Variants in PARD3B observed in about 807,000 individuals in gnomAD.
PARD3B encodes partitioning defective 3 homolog B.
A neutral mutation model predicts 130.2 loss-of-function variants in PARD3B; 103 were observed. The observed-to-expected ratio is 0.79, with a 90% CI of 0.67 to 0.93. The LOEUF (loss-of-function observed/expected upper bound fraction) is 0.93, where lower values mean the gene tolerates loss of function less well. PARD3B is among the 40% of genes least tolerant of loss of function. The pLI is 0.00. For missense variants in PARD3B, 1,609 were observed against 1,499.2 expected, an observed-to-expected ratio of 1.07 and a Z score of -1.21; for synonymous variants, 583 against 553.2, an observed-to-expected ratio of 1.05 and a Z score of -0.76.
chr2:205,168,154 G>A (rs1179753032), intron 11 of PARD3B, among the ~76,000 whole-genome samples: 1 of 152,082 alleles, frequency 6.6e-6, no homozygotes, highest in Non-Finnish European at 1.5e-5. Flanking sequence ...TTCCCTTTGG[G>A]AATTTCCTTT....
At chr2:205,430,608 C>T (rs563241542) in intron 19 of PARD3B, among the ~76,000 whole-genome samples, 1 of 152,254 alleles carries the variant, frequency 6.6e-6, no homozygotes, top group East Asian at 1.9e-4. Context: ...CTAGAAGTTA[C>T]TCTTCATAAA....
At chr2:204,785,343 T>A (rs1488685954) in intron 2 of PARD3B, among the ~76,000 whole-genome samples, 1 of 152,128 alleles carries the variant, frequency 6.6e-6, no homozygotes, top group African/African-American at 2.4e-5. Context: ...TAACATACTT[T>A]TCCCCCAGCC....
chr2:205,486,921 C>T (rs1056102813), intron 20 of PARD3B, among the ~76,000 whole-genome samples: 2 of 151,964 alleles, frequency 1.3e-5, no homozygotes, highest in Non-Finnish European at 2.9e-5. Flanking sequence ...AGCATATGGA[C>T]GTAAAAGGAA....
chr2:204,850,195 TGGAA>T (rs2044651321), intron 2 of PARD3B, among the ~76,000 whole-genome samples: 1 of 152,184 alleles, frequency 6.6e-6, no homozygotes, highest in Non-Finnish European at 1.5e-5. Context: ...TTTTGTTTCA[TGGAA>T]AACAGTATGT....
intron 11 of PARD3B, among the ~76,000 whole-genome samples, chr2:205,169,927 C>T (rs1014248858): frequency 7.8e-5 from 11 of 141,800 alleles, no homozygotes; most frequent in Non-Finnish European, 1.7e-4. Context: ...TTGTTCCCCC[C>T]ACCCTTTTTT....
intron 18 of PARD3B, among the ~76,000 whole-genome samples, chr2:205,311,483 G>A (rs922393118): frequency 4.6e-5 from 7 of 152,100 alleles, no homozygotes; most frequent in Non-Finnish European, 1.0e-4. Flanking sequence ...AGGAATGATA[G>A]ACATTACCTC....
intron 18 of PARD3B, among the ~76,000 whole-genome samples, chr2:205,386,048 G>A (rs1202172689): frequency 6.6e-6 from 1 of 152,028 alleles, no homozygotes; most frequent in Non-Finnish European, 1.5e-5. Context: ...TTTCATGATA[G>A]GCTTTTATAT....
chr2:205,453,741 T>C (rs1295314030), intron 20 of PARD3B, among the ~76,000 whole-genome samples: 1 of 152,162 alleles, frequency 6.6e-6, no homozygotes, highest in Non-Finnish European at 1.5e-5. Flanking sequence ...TATTTGTTAA[T>C]AGAATATAAA....
intron 2 of PARD3B, among the ~76,000 whole-genome samples, chr2:204,849,257 C>G (rs556277919): frequency 6.6e-6 from 1 of 152,164 alleles, no homozygotes; most frequent in South Asian, 2.1e-4. Context: ...GTAGGACATA[C>G]AGGACATACA....
At chr2:205,361,787 C>T (rs2044398109) in intron 18 of PARD3B, among the ~76,000 whole-genome samples, 2 of 152,246 alleles carry the variant, frequency 1.3e-5, no homozygotes, top group South Asian at 4.2e-4. Flanking sequence ...TATCTGGCTA[C>T]GTTTTACTCT....
chr2:205,388,874 A>T (rs1157467918), intron 18 of PARD3B, among the ~76,000 whole-genome samples: 1 of 152,150 alleles, frequency 6.6e-6, no homozygotes. Context: ...GGTTCAATGA[A>T]TGGATAACAA....
chr2:205,197,032 GGTGTGTGTGTGT>G (rs1220147246), intron 15 of PARD3B, among the ~76,000 whole-genome samples: 6 of 55,258 alleles, frequency 1.1e-4, no homozygotes, highest in Admixed American at 7.4e-4. Flanking sequence ...GTGGGGGGGG[GGTGTGTGTGTGT>G]GTGTGTGTGT....
At chr2:204,996,737 C>G (rs1041545410) in intron 3 of PARD3B, among the ~76,000 whole-genome samples, 3 of 148,880 alleles carry the variant, frequency 2.0e-5, no homozygotes, top group Middle Eastern at 3.4e-3. Context: ...AGCGAGATTC[C>G]GTGGGCGTAG....
intron 2 of PARD3B, among the ~76,000 whole-genome samples, chr2:204,716,819 T>C (rs1049970622): frequency 6.6e-6 from 1 of 152,022 alleles, no homozygotes; most frequent in African/African-American, 2.4e-5. Flanking sequence ...AGATGGGGTT[T>C]CACCATGTTA....
At chr2:204,738,987 G>A (rs1160155129) in intron 2 of PARD3B, among the ~76,000 whole-genome samples, 1 of 152,152 alleles carries the variant, frequency 6.6e-6, no homozygotes, top group Non-Finnish European at 1.5e-5. Context: ...TCAGTGGGAG[G>A]ATTATGCAAG....
At chr2:205,505,247 G>C (rs998259718) in intron 21 of PARD3B, among the ~76,000 whole-genome samples, 1 of 151,970 alleles carries the variant, frequency 6.6e-6, no homozygotes, top group African/African-American at 2.4e-5. Flanking sequence ...TTGTGGGGTG[G>C]GGGGAGTGGG....
In PARD3B at chr2:204,799,311, GA is replaced by G. The variant is rs759566578; in HGVS notation, c.222+113030del. Among the ~76,000 whole-genome samples, 10 of 152,208 alleles carry G rather than the reference GA, an allele frequency of 6.6e-5. No homozygotes were observed. Among genetic ancestry groups the G allele is most frequent in the Non-Finnish European group, 1.3e-4 (9 of 68,034 alleles). On this transcript the variant is annotated intron_variant, in intron 2 of 22. Coordinates refer to ENST00000406610, the MANE Select transcript of PARD3B (RefSeq NM_001302769.2). The surrounding 1 kb of genome is among the most constrained non-coding windows in gnomAD (Gnocchi z 4.1). The stretch of plus-strand genomic sequence containing the variant: ...TGAAGAAAGGACAGGGAAGAGTGGG[GA>G]GGACTTTGTCATGTGGCTTGAATGC...
At chr2:204,903,062 A>G (rs1031636193) in intron 2 of PARD3B, among the ~76,000 whole-genome samples, 1 of 152,242 alleles carries the variant, frequency 6.6e-6, no homozygotes, top group Non-Finnish European at 1.5e-5. Flanking sequence ...TGAGAGGAAA[A>G]GATTTACATT....
At chr2:204,815,832 G>A (rs1398087651) in intron 2 of PARD3B, among the ~76,000 whole-genome samples, 8 of 151,914 alleles carry the variant, frequency 5.3e-5, no homozygotes, top group Admixed American at 5.2e-4. Context: ...GAGATGTTTT[G>A]TTACTGATTT....
Sources: allele counts gnomAD v4.1 joint callset (sites outside exome capture counted in the v4.1 genomes callset), GRCh38; gene constraint gnomAD v4.1.1; non-coding constraint Gnocchi (gnomAD v3.1); transcripts MANE v1.5; gene names NCBI Gene and HGNC (gene_info 2026-07-23, HGNC 2026-07-21).